RRM2: variants seen among roughly 807,000 people sequenced by gnomAD.
The protein encoded by RRM2 is ribonucleoside-diphosphate reductase subunit M2.
In RRM2, 6 loss-of-function variants were observed where a neutral mutation model predicts 45.9. The ratio of observed to expected loss-of-function variants is 0.13; its 90% CI spans 0.07 to 0.26. RRM2 has a LOEUF of 0.26. Among genes scored for constraint, RRM2 ranks in the 10% least tolerant of loss-of-function variants. The probability of loss-of-function intolerance (pLI) is 1.00; values close to 1 mark genes in which losing one functional copy is unlikely to be tolerated. For synonymous variants in RRM2, 177 were observed against 173.0 expected (o/e 1.02, Z -0.18); for missense variants, 343 against 489.5 (o/e 0.70, Z 2.82).
intron 3 of RRM2, among the ~76,000 whole-genome samples, chr2:10,152,607 C>T (rs1343738008): frequency 6.6e-6 from 1 of 151,838 alleles, no homozygotes; most frequent in East Asian, 1.9e-4. Context: ...CTCAGCCTCC[C>T]AAGTAGCTGG....
At chr2:10,194,515 C>T (rs1224698660) in intron 3 of RRM2, among the ~76,000 whole-genome samples, 2 of 152,306 alleles carry the variant, frequency 1.3e-5, no homozygotes, top group East Asian at 1.9e-4. Flanking sequence ...TTACTAACGT[C>T]CCCCCGTGGC....
intron 3 of RRM2, among the ~76,000 whole-genome samples, chr2:10,203,749 T>C (rs536679456): frequency 7.4e-6 from 1 of 135,230 alleles, no homozygotes; most frequent in South Asian, 2.4e-4. Flanking sequence ...AGACTCTGTC[T>C]CACAAAAATA....
In RRM2 at chr2:10,122,885, C is replaced by T. The variant is rs34237683; in HGVS notation, c.87C>T (p.Asp29=). The T allele has an allele frequency of 2.3e-4, 372 of 1,593,572 alleles. No homozygotes were observed. The African/African-American group carries it at 4.5e-3, about 19-fold the overall frequency. Residue 29 remains aspartate, a synonymous_variant, in exon 1 of 10, where the codon GAC becomes GAT. Coordinates refer to ENST00000304567, the MANE Select transcript of RRM2 (RefSeq NM_001034.4). ...CGCTGAAGGGGCTCAGCTTGGTCGA[C>T]AAGGAGAACACGGTGAGCCCGCGGG... ...LSPLKGLSLV[D]KENTPPALSG...
intron 3 of RRM2, among the ~76,000 whole-genome samples, chr2:10,163,330 C>A (rs995826149): frequency 1.1e-4 from 2 of 18,780 alleles, no homozygotes; most frequent in African/African-American, 5.6e-4. Flanking sequence ...AAAAGACGGG[C>A]GGGGGGGTGG....
At chr2:10,164,401 G>T (rs1481675948) in intron 3 of RRM2, among the ~76,000 whole-genome samples, 1 of 152,162 alleles carries the variant, frequency 6.6e-6, no homozygotes, top group African/African-American at 2.4e-5. Context: ...TCAGAACAAG[G>T]ACTGGCAGTA....
intron 3 of RRM2, chr2:10,155,879 A>G (rs1391831242): frequency 2.0e-5 from 3 of 152,200 alleles, no homozygotes; most frequent in African/African-American, 7.2e-5. Context: ...GCACAATGAC[A>G]TGGGCTCTCT....
At chr2:10,168,594 C>T (rs1057296563) in intron 3 of RRM2, among the ~76,000 whole-genome samples, 3 of 152,220 alleles carry the variant, frequency 2.0e-5, no homozygotes, top group African/African-American at 7.2e-5. Context: ...GATACCAACT[C>T]TGGGGGTTGG....
In RRM2 at chr2:10,128,312, A is replaced by G. The variant is rs1032834095; in HGVS notation, c.799-536A>G. Among the ~76,000 whole-genome samples, 6 of 152,140 alleles carry G rather than the reference A, an allele frequency of 3.9e-5. No homozygotes were observed. The South Asian group carries it at 1.0e-3, about 26-fold the overall frequency. ...CACATTTGAAAAGCCAGGAGCATGAACTCCATCTTACTTGGAGCCCAGTGG... is the reference window on the plus strand; with the variant it reads ...CACATTTGAAAAGCCAGGAGCATGAGCTCCATCTTACTTGGAGCCCAGTGG... On this transcript the variant is annotated intron_variant, in intron 7 of 9. Coordinates refer to ENST00000304567, the MANE Select transcript of RRM2 (RefSeq NM_001034.4).
chr2:10,177,694 CCTTCCTTCCTTCCTCT>C (rs1379815335), intron 3 of RRM2, among the ~76,000 whole-genome samples: 3 of 148,690 alleles, frequency 2.0e-5, no homozygotes, highest in African/African-American at 7.4e-5. Flanking sequence ...TTCCTTCCTT[CCTTCCTTCCTTCCTCT>C]CTCCCTCCCT....
intron 1 of RRM2, chr2:10,141,738 T>C: frequency 6.8e-7 from 1 of 1,461,376 alleles, no homozygotes; most frequent in African/African-American, 1.4e-5. Flanking sequence ...GGGGTACTGT[T>C]CCAAGCACGG....
intron 3 of RRM2, among the ~76,000 whole-genome samples, chr2:10,202,606 G>T (rs1664588592): frequency 6.6e-6 from 1 of 151,398 alleles, no homozygotes; most frequent in South Asian, 2.1e-4. Flanking sequence ...AAGGTTTCTG[G>T]TCGGCAGGGA....
intron 3 of RRM2, among the ~76,000 whole-genome samples, chr2:10,189,219 G>T (rs538082142): frequency 6.6e-6 from 1 of 152,358 alleles, no homozygotes; most frequent in South Asian, 2.1e-4. Context: ...GATGCAGAGT[G>T]GGCCAGCCCC....
At position 10,124,657 on chromosome 2, in the gene RRM2, G is replaced by GT; in HGVS notation, c.436-58dup. On this transcript the variant is annotated intron_variant, in intron 4 of 9. Transcript: ENST00000304567. Reference sequence around the variant, plus strand: ...AAAGAGTGCGATGCTGCCAGTATCCGTTGACAGTTGCTGCTGTTGGTTTTT... The same window carrying GT: ...AAAGAGTGCGATGCTGCCAGTATCCGTTTGACAGTTGCTGCTGTTGGTTTTT... 4 of 1,599,126 alleles carry GT rather than the reference G, an allele frequency of 2.5e-6. No homozygotes were observed. In the South Asian group the frequency reaches 4.4e-5, roughly 18 times the overall value.
chr2:10,122,911 G>C lies in RRM2; in HGVS notation c.99+14G>C. The C allele has an allele frequency of 1.3e-6, 2 of 1,568,062 alleles. No individual in the cohort carries two copies. The highest frequency in any genetic ancestry group is 1.7e-6 in the Non-Finnish European group (2 of 1,159,452). ...AAGGAGAACACGGTGAGCCCGCGGG[G>C]AGGGCGCTGCGGGCAGGGGAGGGAG... On this transcript the variant is annotated intron_variant, in intron 1 of 9. Transcript: ENST00000304567.
chr2:10,179,969 G>A (rs569819784), intron 3 of RRM2, among the ~76,000 whole-genome samples: 20 of 152,090 alleles, frequency 1.3e-4, no homozygotes, highest in Non-Finnish European at 2.4e-4. Flanking sequence ...CCACCTCCTC[G>A]GGAAGCCCTC....
At chr2:10,143,315 C>T (rs1663123033) in intron 3 of RRM2, among the ~76,000 whole-genome samples, 1 of 152,232 alleles carries the variant, frequency 6.6e-6, no homozygotes, top group African/African-American at 2.4e-5. Flanking sequence ...GGAACCTCCT[C>T]AGACCCAGTG....
At chr2:10,199,776 T>C (rs1664499821) in intron 3 of RRM2, among the ~76,000 whole-genome samples, 1 of 5,190 alleles carries the variant, frequency 1.9e-4, no homozygotes, top group Non-Finnish European at 3.0e-4. Flanking sequence ...TGAGACTCAG[T>C]CTCAAAAAAA....
chr2:10,125,686 CA>C (rs1419787617), intron 5 of RRM2, among the ~76,000 whole-genome samples: 1 of 151,448 alleles, frequency 6.6e-6, no homozygotes, highest in Non-Finnish European at 1.5e-5. Flanking sequence ...CAAAACCAAG[CA>C]AAAAAAACAA....
intron 3 of RRM2, chr2:10,155,511 C>A (rs1215286498): frequency 1.3e-5 from 2 of 152,354 alleles, no homozygotes; most frequent in East Asian, 1.9e-4. Flanking sequence ...ACTGCCAGGC[C>A]CTGGTTTCGT....
Sources: allele counts gnomAD v4.1 joint callset (sites outside exome capture counted in the v4.1 genomes callset), GRCh38; gene constraint gnomAD v4.1.1; transcripts MANE v1.5; gene names NCBI Gene and HGNC (gene_info 2026-07-23, HGNC 2026-07-21).